LRRK2: variants seen among roughly 807,000 people sequenced by gnomAD.
LRRK2 encodes the protein leucine-rich repeat serine/threonine-protein kinase 2.
A neutral mutation model predicts 302.6 loss-of-function variants in LRRK2; 203 were observed. The ratio of observed to expected loss-of-function variants is 0.67; its 90% CI spans 0.60 to 0.75. The LOEUF is 0.75. Ranked by LOEUF, LRRK2 falls within the 30% of genes least tolerant of loss-of-function variation. The pLI, the probability that LRRK2 is intolerant of heterozygous loss-of-function variation, is 0.00. For synonymous variants in LRRK2, 1,066 were observed against 1,031.9 expected (o/e 1.03, Z -0.63); for missense variants, 2,830 against 2,951.0 (o/e 0.96, Z 0.95).
intron 20 of LRRK2, 127 bp from the exon 21 acceptor site, chr12:40,293,418 T>C (rs1944239718): frequency 1.6e-6 from 1 of 640,510 alleles, no homozygotes; most frequent in Admixed American, 2.4e-5. Context: ...ACAAAGGGAA[T>C]GGACTGTGAA....
chr12:40,317,143 A>T (rs1212284281), intron 33 of LRRK2, among the ~76,000 whole-genome samples: 1 of 152,092 alleles, frequency 6.6e-6, no homozygotes, highest in African/African-American at 2.4e-5. Context: ...AAACTCCATG[A>T]AAGTTCTTCT....
chr12:40,335,752 T>C (rs17520299), intron 40 of LRRK2, among the ~76,000 whole-genome samples: 38 of 152,338 alleles, frequency 2.5e-4, no homozygotes, highest in African/African-American at 8.4e-4. Context: ...ATGACTAATA[T>C]TTAATGCATA....
At chr12:40,332,504 A>G (rs2136928624) in intron 39 of LRRK2, among the ~76,000 whole-genome samples, 1 of 152,296 alleles carries the variant, frequency 6.6e-6, no homozygotes, top group East Asian at 1.9e-4. Context: ...ATATATCCTT[A>G]CTTTTCCCTT....
chr12:40,231,536 G>C (rs1159629200), intron 2 of LRRK2, among the ~76,000 whole-genome samples: 1 of 143,392 alleles, frequency 7.0e-6, no homozygotes, highest in African/African-American at 2.6e-5. Flanking sequence ...TCCAGCCTGG[G>C]TGACAGAGTG....
chr12:40,330,160 T>C (rs1945673279), intron 39 of LRRK2, among the ~76,000 whole-genome samples: 1 of 152,212 alleles, frequency 6.6e-6, no homozygotes, highest in South Asian at 2.1e-4. Context: ...TGGATTGTCC[T>C]TAGTTTTTGT....
In LRRK2 at chr12:40,354,436, A is replaced by T. The variant is rs202244108; in HGVS notation, c.6714A>T (p.Leu2238=). Residue 2238 remains leucine (L), a synonymous_variant, in exon 45 of 51, where the codon CTA becomes CTT. Coordinates refer to ENST00000298910, the MANE Select transcript of LRRK2 (RefSeq NM_198578.4). ...AAGATGGGAAAAAGAGACATACCCT[A>T]GAAAAGATGACTGATTCTGTCACTT... The part of the protein sequence containing the change: ...NTEDGKKRHT[L]EKMTDSVTCL... 1.8e-5 allele frequency: 29 copies of T among 1,614,158 alleles called. No homozygotes were observed. The highest frequency in any genetic ancestry group is 2.2e-5 in the Non-Finnish European group (26 of 1,180,000).
chr12:40,263,717 G>T, intron 13 of LRRK2, 72 bp from the exon 14 acceptor site: 1 of 1,060,686 alleles, frequency 9.4e-7, no homozygotes, highest in South Asian at 1.4e-5. Context: ...ACAATTTCTA[G>T]AAAGTAACAG....
At chr12:40,361,126 G>T (rs1209148401) in intron 47 of LRRK2, among the ~76,000 whole-genome samples, 1 of 151,980 alleles carries the variant, frequency 6.6e-6, no homozygotes, top group Non-Finnish European at 1.5e-5. Context: ...CTGGGATGGG[G>T]ATCAGATTTT....
rs1401358631 is a variant in LRRK2 at position 40,261,506 on chromosome 12, AT to A, written c.1543+1903del. ...GTAAAAAAATACATTTTATAAGCAT[AT>A]CAGTATGTAAGTACATTCTTCTAGT... On this transcript the variant is annotated intron_variant, in intron 13 of 50. Coordinates refer to ENST00000298910, the MANE Select transcript of LRRK2 (RefSeq NM_198578.4). Among the ~76,000 whole-genome samples, 10 of 152,270 alleles carry A rather than the reference AT, an allele frequency of 6.6e-5. No homozygotes were observed. In the East Asian group the frequency reaches 1.9e-3, roughly 29 times the overall value.
At chr12:40,308,795 A>G (rs2136816768) in intron 29 of LRRK2, 99 bp downstream of exon 29, 1 of 1,120,418 alleles carries the variant, frequency 8.9e-7, no homozygotes, top group East Asian at 2.6e-5. Flanking sequence ...GAAACCTGGT[A>G]GACTGTATGG....
intron 14 of LRRK2, among the ~76,000 whole-genome samples, chr12:40,265,370 G>A (rs924179527): frequency 1.3e-5 from 2 of 152,242 alleles, no homozygotes; most frequent in East Asian, 1.9e-4. Flanking sequence ...ATGCAGCATC[G>A]AGTAATTTAT....
At position 40,340,305 on chromosome 12, in the gene LRRK2, C is replaced by T; in HGVS notation, c.5960C>T (p.Ser1987Leu). 1 of 1,613,716 alleles carries T rather than the reference C, an allele frequency of 6.2e-7. No homozygotes were observed. Among genetic ancestry groups the T allele is most frequent in the Non-Finnish European group, 8.5e-7 (1 of 1,179,716 alleles). Reference sequence around the variant, plus strand: ...GCATTTTCTGGCAGATACCTCCACTCAGCCATGATTATATACCGAGACCTG... The same window carrying T: ...GCATTTTCTGGCAGATACCTCCACTTAGCCATGATTATATACCGAGACCTG... ...HVADGLRYLH[S>L]AMIIYRDLKP... The change falls in exon 41 of 51, where the codon TCA becomes TTA. Residue 1987 changes from serine (S) to leucine (L), a missense_variant. Ser to Leu is a moderately radical substitution (Grantham distance 145). Around this residue, in one of 3 missense-constraint regions of LRRK2, gnomAD observed 253 missense variants for 346.7 expected, o/e 0.73. Coordinates refer to ENST00000298910, the MANE Select transcript of LRRK2 (RefSeq NM_198578.4).
intron 25 of LRRK2, among the ~76,000 whole-genome samples, chr12:40,300,425 C>T (rs1173296131): frequency 6.6e-6 from 1 of 152,176 alleles, no homozygotes; most frequent in Non-Finnish European, 1.5e-5. Flanking sequence ...ATACTCACAT[C>T]TTGCCACCCA....
Position 40,359,476 on chromosome 12 carries a change from A to G in LRRK2, c.7028+32A>G, listed in dbSNP as rs534742248. On this transcript the variant is annotated intron_variant, in intron 47 of 50. Transcript: ENST00000298910. Reference sequence around the variant, plus strand: ...TATTTTTTATCTGTACAAGTAATTTATCATTATACTTTTGTTTTTTCCTTA... The same window carrying G: ...TATTTTTTATCTGTACAAGTAATTTGTCATTATACTTTTGTTTTTTCCTTA... The G allele has an allele frequency of 5.1e-6, 8 of 1,583,996 alleles. No individual in the cohort carries two copies. The Admixed American group carries it at 8.4e-5, about 17-fold the overall frequency.
At chr12:40,330,185 G>A (rs1027869931) in intron 39 of LRRK2, among the ~76,000 whole-genome samples, 1 of 152,074 alleles carries the variant, frequency 6.6e-6, no homozygotes, top group Non-Finnish European at 1.5e-5. Flanking sequence ...GAATATCTTC[G>A]AGTAATTTTT....
intron 16 of LRRK2, among the ~76,000 whole-genome samples, chr12:40,276,560 T>C (rs1273961375): frequency 6.6e-6 from 1 of 152,138 alleles, no homozygotes; most frequent in Non-Finnish European, 1.5e-5. Flanking sequence ...ACTCCCAAAG[T>C]GTTGGGATTA....
At chr12:40,360,554 T>C (rs1946671346) in intron 47 of LRRK2, among the ~76,000 whole-genome samples, 1 of 152,102 alleles carries the variant, frequency 6.6e-6, no homozygotes, top group Non-Finnish European at 1.5e-5. Flanking sequence ...CCTCTGATTA[T>C]ACTCTCTTCA....
At chr12:40,312,341 T>C (rs1450856708) in intron 31 of LRRK2, among the ~76,000 whole-genome samples, 2 of 152,154 alleles carry the variant, frequency 1.3e-5, no homozygotes, top group Non-Finnish European at 2.9e-5. Flanking sequence ...TCTGGCATAA[T>C]GGTTTGAAAA....
At chr12:40,312,270 A>G (rs891965358) in intron 31 of LRRK2, among the ~76,000 whole-genome samples, 8 of 152,180 alleles carry the variant, frequency 5.3e-5, no homozygotes, top group Non-Finnish European at 8.8e-5. Context: ...AATAAAACAA[A>G]TGCTTTGAGA....
Sources: gnomAD v4.1 joint callset for allele counts (sites outside exome capture counted in the v4.1 genomes callset) on GRCh38, gnomAD v4.1.1 for gene constraint, gnomAD v4.1.1 regional missense constraint, MANE v1.5 for transcripts, NCBI Gene and HGNC (gene_info 2026-07-23, HGNC 2026-07-21) for gene names.